CYP7B1: variants seen among roughly 807,000 people sequenced by gnomAD.
The protein encoded by CYP7B1 is cytochrome P450 7B1.
A neutral mutation model predicts 42.7 loss-of-function variants in CYP7B1; 29 were observed. The ratio of observed to expected loss-of-function variants is 0.68; its 90% CI spans 0.51 to 0.93. The LOEUF is 0.93. Ranked by LOEUF, CYP7B1 falls within the 40% of genes least tolerant of loss-of-function variation. CYP7B1 has a pLI of 0.00. For missense variants in CYP7B1, 655 were observed against 600.5 expected (o/e 1.09, Z -0.95); for synonymous variants, 235 against 218.2 (o/e 1.08, Z -0.68).
At chr8:64,632,481 C>T (rs192923870) in intron 1 of CYP7B1, among the ~76,000 whole-genome samples, 1 of 152,144 alleles carries the variant, frequency 6.6e-6, no homozygotes, top group African/African-American at 2.4e-5. Flanking sequence ...GATGAATTAG[C>T]TCTAGAGAGC....
chr8:64,605,329 T>A (rs1805263557), intron 4 of CYP7B1, among the ~76,000 whole-genome samples: 1 of 152,214 alleles, frequency 6.6e-6, no homozygotes, highest in African/African-American at 2.4e-5. Context: ...CTGAGACAGC[T>A]TAACACTTAA....
chr8:64,611,928 T>C (rs1805369490), intron 4 of CYP7B1, among the ~76,000 whole-genome samples: 1 of 152,148 alleles, frequency 6.6e-6, no homozygotes, highest in Non-Finnish European at 1.5e-5. Flanking sequence ...AGAGGTTAAA[T>C]GTCATTTTGG....
At chr8:64,726,499 G>C (rs555469040) in intron 1 of CYP7B1, among the ~76,000 whole-genome samples, 1 of 152,226 alleles carries the variant, frequency 6.6e-6, no homozygotes, top group African/African-American at 2.4e-5. Context: ...CTATTGGAAC[G>C]GGCACTAGAT....
At chr8:64,797,538 G>C (rs956259989) in intron 1 of CYP7B1, among the ~76,000 whole-genome samples, 6 of 152,104 alleles carry the variant, frequency 3.9e-5, no homozygotes, top group Admixed American at 2.0e-4. Context: ...AATACTCCTA[G>C]AGTACTCATC....
At chr8:64,709,323 T>G (rs1031811221) in intron 1 of CYP7B1, among the ~76,000 whole-genome samples, 1 of 152,244 alleles carries the variant, frequency 6.6e-6, no homozygotes, top group Non-Finnish European at 1.5e-5. Flanking sequence ...TCTTGTATCT[T>G]ATTTATGAGC....
chr8:64,703,382 T>C (rs953411919), intron 1 of CYP7B1, among the ~76,000 whole-genome samples: 4 of 152,058 alleles, frequency 2.6e-5, no homozygotes, highest in Admixed American at 6.6e-5. Flanking sequence ...TATTCTACTC[T>C]TCTTATAAAA....
intron 1 of CYP7B1, among the ~76,000 whole-genome samples, chr8:64,778,188 T>C (rs932754413): frequency 1.4e-5 from 2 of 146,762 alleles, no homozygotes; most frequent in African/African-American, 4.9e-5. Flanking sequence ...TATATATATA[T>C]ATATATATAT....
At chr8:64,633,281 T>A (rs1459785015) in intron 1 of CYP7B1, among the ~76,000 whole-genome samples, 1 of 152,176 alleles carries the variant, frequency 6.6e-6, no homozygotes, top group Non-Finnish European at 1.5e-5. Context: ...AGTTTTTCCC[T>A]GCTATTCATA....
At chr8:64,669,274 T>C (rs1563383873) in intron 1 of CYP7B1, among the ~76,000 whole-genome samples, 1 of 152,150 alleles carries the variant, frequency 6.6e-6, no homozygotes, top group Non-Finnish European at 1.5e-5. Context: ...AAGTATATCG[T>C]ACTGATACAA....
At chr8:64,749,376 C>A (rs995552912) in intron 1 of CYP7B1, among the ~76,000 whole-genome samples, 7 of 152,076 alleles carry the variant, frequency 4.6e-5, no homozygotes, top group East Asian at 1.9e-4. Context: ...CCACCAAGCC[C>A]AGCCCAGATT....
At chr8:64,751,132 T>G (rs1378515510) in intron 1 of CYP7B1, among the ~76,000 whole-genome samples, 1 of 152,204 alleles carries the variant, frequency 6.6e-6, no homozygotes, top group Non-Finnish European at 1.5e-5. Context: ...GTAAACTGTT[T>G]TAAATTTTAA....
chr8:64,692,492 G>T (rs1328269634), intron 1 of CYP7B1, among the ~76,000 whole-genome samples: 1 of 152,180 alleles, frequency 6.6e-6, no homozygotes, highest in Non-Finnish European at 1.5e-5. Context: ...AATGGTCATG[G>T]ACATTTCTCA....
At chr8:64,647,090 A>G (rs1805964973) in intron 1 of CYP7B1, among the ~76,000 whole-genome samples, 1 of 152,150 alleles carries the variant, frequency 6.6e-6, no homozygotes, top group East Asian at 1.9e-4. Flanking sequence ...AGGGTTATTA[A>G]TTGGCCTAAC....
Position 64,595,591 on chromosome 8 carries a change from C to T in CYP7B1, c.*1051G>A, listed in dbSNP as rs796641553. Among the ~76,000 whole-genome samples the T allele has an allele frequency of 3.0e-4, 45 of 152,218 alleles. No individual in the cohort carries two copies. Among genetic ancestry groups the T allele is most frequent in the African/African-American group, 1.1e-3 (45 of 41,534 alleles). Reference sequence around the variant, plus strand: ...ACTTGAGGTCAGGATTTGAGACCAGCCTGGGCAACACAGCCAGATACTCTC... The same window carrying T: ...ACTTGAGGTCAGGATTTGAGACCAGTCTGGGCAACACAGCCAGATACTCTC... On this transcript the variant is annotated 3_prime_UTR_variant, in exon 6 of 6. Transcript: ENST00000310193.
intron 1 of CYP7B1, among the ~76,000 whole-genome samples, chr8:64,776,940 T>G (rs983904996): frequency 1.3e-5 from 2 of 152,170 alleles, no homozygotes; most frequent in African/African-American, 2.4e-5. Context: ...AATTGTCTAC[T>G]CTTCATCAAA....
intron 1 of CYP7B1, among the ~76,000 whole-genome samples, chr8:64,714,300 T>C (rs900266245): frequency 2.0e-5 from 3 of 152,208 alleles, no homozygotes; most frequent in African/African-American, 7.2e-5. Context: ...TTACACTTTA[T>C]CTTCCAGGAT....
At chr8:64,727,112 C>A (rs1411205592) in intron 1 of CYP7B1, among the ~76,000 whole-genome samples, 8 of 152,094 alleles carry the variant, frequency 5.3e-5, no homozygotes, top group Non-Finnish European at 1.2e-4. Flanking sequence ...TAAGTCAAAC[C>A]CTTCCTCCAC....
chr8:64,598,561 A>C (rs182591446), intron 5 of CYP7B1, among the ~76,000 whole-genome samples: 1 of 152,302 alleles, frequency 6.6e-6, no homozygotes, highest in Admixed American at 6.5e-5. Flanking sequence ...GCAAAATGAA[A>C]ACTTAGCTTG....
chr8:64,643,172 CATATATATACATATATATAT>C (rs1805891644), intron 1 of CYP7B1, among the ~76,000 whole-genome samples: 22 of 99,576 alleles, frequency 2.2e-4, no homozygotes, highest in African/African-American at 7.0e-4. Context: ...CACATATATA[CATATATATACATATATATAT>C]ACACACACAC....
Sources: gnomAD v4.1 joint callset for allele counts (sites outside exome capture counted in the v4.1 genomes callset) on GRCh38, gnomAD v4.1.1 for gene constraint, MANE v1.5 for transcripts, NCBI Gene and HGNC (gene_info 2026-07-23, HGNC 2026-07-21) for gene names.